The following CCL28 variants were observed in gnomAD, a reference collection of about 807,000 sequenced individuals.
The protein encoded by CCL28 is C-C motif chemokine 28.
A neutral mutation model predicts 7.1 loss-of-function variants in CCL28; 4 were observed. That is an observed-to-expected ratio of 0.56 (90% CI 0.28 to 1.29). The LOEUF is 1.29. CCL28 is among the 50% of genes most tolerant of loss of function. The pLI, the probability that CCL28 is intolerant of heterozygous loss-of-function variation, is 0.11. For synonymous variants in CCL28, 55 were observed against 57.8 expected (o/e 0.95, Z 0.22); for missense variants, 151 against 163.4 (o/e 0.92, Z 0.41).
chr5:43,388,365 T>A lies in CCL28; in HGVS notation c.176A>T (p.Asp59Val), dbSNP rs1264142314. ...GAGCACTCACATGACAGCAGCCAAGTCACAATCCCCATCAGCTCTCTGGAT... is the reference window on the plus strand; with the variant it reads ...GAGCACTCACATGACAGCAGCCAAGACACAATCCCCATCAGCTCTCTGGAT... ...CRIQRADGDC[D>V]LAAVILHVKR... The change falls in exon 2 of 3, where the codon GAC becomes GTC. Residue 59 changes from aspartate (D) to valine (V), a missense_variant. Transcript: ENST00000361115. 7 of 1,614,136 alleles carry A rather than the reference T, an allele frequency of 4.3e-6. No individual in the cohort carries two copies. The highest frequency in any genetic ancestry group is 1.7e-4 in the Middle Eastern group (1 of 6,058).
At chr5:43,409,405 G>C (rs1056488582) in intron 1 of CCL28, among the ~76,000 whole-genome samples, 1 of 151,672 alleles carries the variant, frequency 6.6e-6, no homozygotes, top group Admixed American at 6.6e-5. Context: ...CAGCCTGGGC[G>C]ACAAGAGCAA....
At chr5:43,373,957 T>C (rs1489821301), downstream of CCL28, among the ~76,000 whole-genome samples, 4 of 152,210 alleles carry the variant, frequency 2.6e-5, no homozygotes, top group Admixed American at 2.6e-4. Flanking sequence ...AAGTCTGATA[T>C]TAGGAAAAGC....
intron 1 of CCL28, among the ~76,000 whole-genome samples, chr5:43,401,055 T>G (rs1741010219): frequency 6.9e-6 from 1 of 144,522 alleles, no homozygotes; most frequent in African/African-American, 2.6e-5. Flanking sequence ...TGCACTCCAG[T>G]GTGGGCAACA....
intron 2 of CCL28, among the ~76,000 whole-genome samples, chr5:43,385,711 T>C (rs1410690478): frequency 6.6e-6 from 1 of 152,242 alleles, no homozygotes; most frequent in African/African-American, 2.4e-5. Flanking sequence ...ATTTTTCAGC[T>C]TTCTTAGCAC....
At chr5:43,390,621 C>G (rs914554640) in intron 1 of CCL28, among the ~76,000 whole-genome samples, 14 of 152,204 alleles carry the variant, frequency 9.2e-5, no homozygotes, top group Non-Finnish European at 1.6e-4. Context: ...TGGGCAACCA[C>G]CAGTGGGTTT....
chr5:43,365,549 C>G, the CCL28 span, among the ~76,000 whole-genome samples: 1 of 152,092 alleles, frequency 6.6e-6, no homozygotes, highest in African/African-American at 2.4e-5. Flanking sequence ...CCTTCAGGAG[C>G]TCTTGCAAGG....
At chr5:43,384,274 A>G (rs1048615314) in intron 2 of CCL28, among the ~76,000 whole-genome samples, 3 of 152,172 alleles carry the variant, frequency 2.0e-5, no homozygotes, top group African/African-American at 7.2e-5. Flanking sequence ...AGAAAGGTGG[A>G]GGACCATAGG....
chr5:43,366,462 T>C, the CCL28 span, among the ~76,000 whole-genome samples: 75,750 of 152,084 alleles, frequency 0.5, 19,379 homozygotes, highest in Middle Eastern at 0.62. Context: ...GAGGTCCACT[T>C]CAGACCCTGT....
At chr5:43,404,357 C>T (rs1741175436) in intron 1 of CCL28, among the ~76,000 whole-genome samples, 1 of 152,210 alleles carries the variant, frequency 6.6e-6, no homozygotes, top group Non-Finnish European at 1.5e-5. Flanking sequence ...CAATATTCAA[C>T]ATTCTTAAAG....
At chr5:43,369,106 A>T in the CCL28 span, among the ~76,000 whole-genome samples, 1 of 150,256 alleles carries the variant, frequency 6.7e-6, no homozygotes, top group Non-Finnish European at 1.5e-5. Context: ...CAAAGTCACA[A>T]TCTTTTATAA....
At chr5:43,384,666 G>A (rs1057415264) in intron 2 of CCL28, among the ~76,000 whole-genome samples, 3 of 151,834 alleles carry the variant, frequency 2.0e-5, no homozygotes, top group African/African-American at 2.4e-5. Context: ...TAACCCTCAG[G>A]AGGATAGCTG....
At chr5:43,392,306 G>A (rs1222372418) in intron 1 of CCL28, among the ~76,000 whole-genome samples, 3 of 151,948 alleles carry the variant, frequency 2.0e-5, no homozygotes, top group African/African-American at 2.4e-5. Context: ...TAGTAGAGAC[G>A]GGGTTTCACC....
intron 1 of CCL28, among the ~76,000 whole-genome samples, chr5:43,410,838 G>A (rs1741508981): frequency 2.0e-5 from 3 of 152,194 alleles, no homozygotes. Flanking sequence ...AATCTCAATG[G>A]TGAATTTTTC....
chr5:43,408,557 G>A (rs1355820281), intron 1 of CCL28, among the ~76,000 whole-genome samples: 1 of 152,110 alleles, frequency 6.6e-6, no homozygotes, highest in Non-Finnish European at 1.5e-5. Context: ...GTTAATGGGT[G>A]CAGCACACCT....
Position 43,412,321 on chromosome 5 carries a change from G to T in CCL28, c.-5C>A. The stretch of plus-strand genomic sequence containing the variant: ...GGCGAGTCCTCTCTGCTGCATTCCT[G>T]CCTGCCCTACTGGCACTGACAGCAA... On this transcript the variant is annotated 5_prime_UTR_variant, in exon 1 of 3. Coordinates refer to ENST00000361115, the MANE Select transcript of CCL28 (RefSeq NM_148672.3). 1 of 1,611,654 alleles carries T rather than the reference G, an allele frequency of 6.2e-7. No homozygotes were observed. Among genetic ancestry groups the T allele is most frequent in the Non-Finnish European group, 8.5e-7 (1 of 1,178,890 alleles).
chr5:43,379,186 A>G (rs2111672868), downstream of CCL28: 1 of 152,242 alleles, frequency 6.6e-6, no homozygotes, highest in African/African-American at 2.4e-5. Flanking sequence ...AGAATTAGAC[A>G]CCAGTGTTTT....
rs77017377 is a variant in CCL28, at chr5:43,388,743, G to A, written c.65-267C>T. ...TACAGACAAGGATTCTGGTGGTACT[G>A]CAGACTGATCAAAGATGAAAGGAGT... is the stretch of plus-strand genomic sequence containing the variant. On this transcript the variant is annotated intron_variant, in intron 1 of 2. Transcript: ENST00000361115. 2.7e-3 allele frequency among the ~76,000 whole-genome samples: 417 copies of A among 152,310 alleles called. 1 individual carries two copies. The highest frequency in any genetic ancestry group is 4.6e-3 in the Non-Finnish European group (310 of 68,024).
At chr5:43,395,830 G>A (rs964414359) in intron 1 of CCL28, among the ~76,000 whole-genome samples, 1 of 150,062 alleles carries the variant, frequency 6.7e-6, no homozygotes, top group Non-Finnish European at 1.5e-5. Context: ...AACAAGGAGT[G>A]GACTATTCAT....
intron 1 of CCL28, among the ~76,000 whole-genome samples, chr5:43,408,480 G>A (rs1365788175): frequency 6.6e-6 from 1 of 152,154 alleles, no homozygotes; most frequent in Non-Finnish European, 1.5e-5. Flanking sequence ...CACACACCAG[G>A]GCCTGTCGTA....
Sources: allele counts gnomAD v4.1 joint callset (sites outside exome capture counted in the v4.1 genomes callset), GRCh38; gene constraint gnomAD v4.1.1; transcripts MANE v1.5; gene names NCBI Gene and HGNC (gene_info 2026-07-23, HGNC 2026-07-21).